Variants in RBFOX1 observed in about 807,000 individuals in gnomAD.
RBFOX1 encodes the protein RNA binding protein fox-1 homolog 1.
Under a neutral mutation model 57.7 loss-of-function variants are expected in RBFOX1, and 8 were observed. The observed-to-expected ratio is 0.14, with a 90% CI of 0.08 to 0.25. The LOEUF (loss-of-function observed/expected upper bound fraction) is 0.25. RBFOX1 is among the 10% of genes least tolerant of loss of function. RBFOX1 has a pLI of 1.00. For synonymous variants in RBFOX1, 326 were observed against 222.4 expected (o/e 1.47, Z -4.15); for missense variants, 611 against 548.5 (o/e 1.11, Z -1.14).
chr16:7,663,182 A>ACCC (rs1424556014), intron 12 of RBFOX1, among the ~76,000 whole-genome samples: 1 of 151,806 alleles, frequency 6.6e-6, no homozygotes, highest in Non-Finnish European at 1.5e-5. Context: ...CTGCCTTCTG[A>ACCC]CCCCCCAACC....
Position 5,480,149 on chromosome 16 carries a change from A to T in RBFOX1, c.258+12895A>T, listed in dbSNP as rs563704541. On this transcript the variant is annotated intron_variant, in intron 2 of 2. Coordinates refer to the RBFOX1 transcript ENST00000585867. ...GAAGCTATCTCAGATTCACAGAATG[A>T]CTTGTGATCTAGGTTTTCTTTCATC... Among the ~76,000 whole-genome samples the T allele has an allele frequency of 3.3e-4, 51 of 152,312 alleles. No individual in the cohort carries two copies. In the South Asian group the frequency reaches 9.3e-3, roughly 28 times the overall value.
At chr16:6,612,352 A>C (rs2098073161) in intron 2 of RBFOX1, among the ~76,000 whole-genome samples, 1 of 152,224 alleles carries the variant, frequency 6.6e-6, no homozygotes, top group South Asian at 2.1e-4. Flanking sequence ...GTTTTTAATA[A>C]AACCAACATT....
intron 3 of RBFOX1, among the ~76,000 whole-genome samples, chr16:6,734,978 A>AT (rs980303718): frequency 2.6e-4 from 39 of 151,870 alleles, no homozygotes; most frequent in African/African-American, 6.5e-4. Context: ...TGTTTCTATA[A>AT]TTTTTTTTTA....
intron 4 of RBFOX1, among the ~76,000 whole-genome samples, chr16:5,998,720 A>C (rs2060533700): frequency 6.6e-6 from 1 of 152,136 alleles, no homozygotes; most frequent in African/African-American, 2.4e-5. Context: ...AACTTTACCC[A>C]GTCTCTGATT....
At chr16:7,693,436 T>C in intron 14 of RBFOX1, 1 of 1,083,398 alleles carries the variant, frequency 9.2e-7, no homozygotes, top group Non-Finnish European at 1.4e-6. Context: ...TTTTTTTTTC[T>C]TCTTCACATG....
chr16:6,233,963 A>G (rs1279916864), intron 1 of RBFOX1, among the ~76,000 whole-genome samples: 1 of 152,190 alleles, frequency 6.6e-6, no homozygotes, highest in Non-Finnish European at 1.5e-5. Flanking sequence ...AGAAGCTGGG[A>G]AGTCCAAGAT....
chr16:7,442,674 A>G (rs1462215573), intron 4 of RBFOX1, among the ~76,000 whole-genome samples: 1 of 152,086 alleles, frequency 6.6e-6, no homozygotes, highest in Non-Finnish European at 1.5e-5. Context: ...AGCAGTAGAG[A>G]GTGCAAAGTT....
rs183934244 is a variant in RBFOX1, at chr16:6,667,075, C to G, written c.-16+12425C>G. On this transcript the variant is annotated intron_variant, in intron 3 of 15. Transcript: ENST00000550418. ...AATGAGATGTTAGTCGTACTTTCCTCTTTCATTTATTTTTGGGAAATTTGA... is the reference window on the plus strand; with the variant it reads ...AATGAGATGTTAGTCGTACTTTCCTGTTTCATTTATTTTTGGGAAATTTGA... 1.8e-3 allele frequency among the ~76,000 whole-genome samples: 278 copies of G among 152,206 alleles called. 2 individuals carry two copies. The highest frequency in any genetic ancestry group is 6.4e-3 in the African/African-American group (267 of 41,544).
At chr16:6,108,642 A>T (rs1447367301) in intron 1 of RBFOX1, among the ~76,000 whole-genome samples, 3 of 152,144 alleles carry the variant, frequency 2.0e-5, no homozygotes, top group African/African-American at 7.2e-5. Context: ...TTATTCTTTC[A>T]CAGTTCTAGA....
At chr16:7,340,776 T>G (rs920664746) in intron 4 of RBFOX1, among the ~76,000 whole-genome samples, 4 of 152,368 alleles carry the variant, frequency 2.6e-5, no homozygotes, top group Admixed American at 6.5e-5. Flanking sequence ...TGTCCTATTC[T>G]GTTTTATATA....
chr16:7,152,760 G>A (rs999711520), intron 4 of RBFOX1, among the ~76,000 whole-genome samples: 3 of 152,172 alleles, frequency 2.0e-5, no homozygotes, highest in Non-Finnish European at 2.9e-5. Context: ...TGTTCCTAAT[G>A]GGGTCCAGGT....
intron 2 of RBFOX1, among the ~76,000 whole-genome samples, chr16:5,574,939 A>T (rs538967805): frequency 2.6e-5 from 4 of 152,298 alleles, no homozygotes; most frequent in Non-Finnish European, 4.4e-5. Context: ...CATACCCTGC[A>T]GCTTGATAAG....
intron 4 of RBFOX1, among the ~76,000 whole-genome samples, chr16:5,962,866 G>T (rs905753219): frequency 6.9e-6 from 1 of 145,334 alleles, no homozygotes; most frequent in Admixed American, 7.1e-5. Flanking sequence ...TGAGTATGTC[G>T]CCTTGAGAGA....
chr16:7,098,217 T>A (rs575838225), intron 4 of RBFOX1, among the ~76,000 whole-genome samples: 1 of 152,326 alleles, frequency 6.6e-6, no homozygotes, highest in Admixed American at 6.5e-5. Flanking sequence ...TCATCCAAGC[T>A]AGAGTGCAGT....
At chr16:7,083,821 C>T (rs2059567145) in intron 4 of RBFOX1, among the ~76,000 whole-genome samples, 1 of 152,114 alleles carries the variant, frequency 6.6e-6, no homozygotes, top group Non-Finnish European at 1.5e-5. Context: ...CTTTCAGGTA[C>T]ACATAGTGCA....
chr16:7,213,913 C>T (rs2091590019), intron 4 of RBFOX1, among the ~76,000 whole-genome samples: 1 of 150,306 alleles, frequency 6.7e-6, no homozygotes. Flanking sequence ...AGAGGGCATG[C>T]AGGAACTCTG....
chr16:6,554,759 GAC>G (rs2097063515), intron 2 of RBFOX1, among the ~76,000 whole-genome samples: 1 of 106,810 alleles, frequency 9.4e-6, no homozygotes, highest in Non-Finnish European at 2.0e-5. Flanking sequence ...CACACACACA[GAC>G]ACACACACAA....
chr16:6,514,381 C>T (rs78706315), intron 2 of RBFOX1, among the ~76,000 whole-genome samples: 9,045 of 152,222 alleles, frequency 0.059, 415 homozygotes, highest in Non-Finnish European at 0.093. Flanking sequence ...GAAGGAGATT[C>T]AGTCGACTTT....
At chr16:5,774,513 A>G (rs1020666957) in intron 3 of RBFOX1, among the ~76,000 whole-genome samples, 1 of 152,184 alleles carries the variant, frequency 6.6e-6, no homozygotes, top group African/African-American at 2.4e-5. Context: ...CAACAAGGAG[A>G]GGTTATGCAG....
Sources: gnomAD v4.1 joint callset for allele counts (sites outside exome capture counted in the v4.1 genomes callset) on GRCh38, gnomAD v4.1.1 for gene constraint, MANE v1.5 for transcripts, NCBI Gene and HGNC (gene_info 2026-07-23, HGNC 2026-07-21) for gene names.